The following PHLDB2 variants were observed in gnomAD, a reference collection of about 807,000 sequenced individuals.
The protein encoded by PHLDB2 is pleckstrin homology like domain family B member 2, also known as pleckstrin homology-like domain family B member 2.
A neutral mutation model predicts 123.6 loss-of-function variants in PHLDB2; 71 were observed. That is an observed-to-expected ratio of 0.57 (90% CI 0.47 to 0.70). PHLDB2 has a LOEUF of 0.70. PHLDB2 is among the 30% of genes least tolerant of loss of function. The probability of loss-of-function intolerance (pLI) is 0.00; values close to 1 mark genes in which losing one functional copy is unlikely to be tolerated. For synonymous variants in PHLDB2, 547 were observed against 541.6 expected (o/e 1.01, Z -0.14); for missense variants, 1,446 against 1,519.5 (o/e 0.95, Z 0.80).
intron 1 of PHLDB2, among the ~76,000 whole-genome samples, chr3:111,864,764 A>C (rs1193467993): frequency 1.3e-5 from 2 of 152,250 alleles, no homozygotes; most frequent in Admixed American, 1.3e-4. Flanking sequence ...TGATTTTATT[A>C]GATGAAGTGC....
intron 2 of PHLDB2, among the ~76,000 whole-genome samples, chr3:111,911,429 T>TA (rs1461755290): frequency 6.6e-6 from 1 of 152,246 alleles, no homozygotes; most frequent in Non-Finnish European, 1.5e-5. Context: ...TCTCCTTACA[T>TA]ATGCTCTTGG....
chr3:111,879,960 T>A (rs954204501), intron 1 of PHLDB2, among the ~76,000 whole-genome samples: 1 of 149,196 alleles, frequency 6.7e-6, no homozygotes, highest in Non-Finnish European at 1.5e-5. Context: ...TCAAGACCCA[T>A]ATCTTGAAAC....
chr3:111,816,228 G>A (rs932460010), intron 1 of PHLDB2, among the ~76,000 whole-genome samples: 3 of 152,208 alleles, frequency 2.0e-5, no homozygotes, highest in African/African-American at 7.2e-5. Flanking sequence ...TCCCTACTGA[G>A]GCACTGCCTA....
intron 2 of PHLDB2, among the ~76,000 whole-genome samples, chr3:111,888,217 T>C (rs2066285803): frequency 6.6e-6 from 1 of 152,070 alleles, no homozygotes; most frequent in East Asian, 1.9e-4. Context: ...CTCATTTGAT[T>C]TGAGAAATTT....
At chr3:111,834,450 C>G (rs2063308544) in intron 1 of PHLDB2, among the ~76,000 whole-genome samples, 2 of 149,528 alleles carry the variant, frequency 1.3e-5, no homozygotes, top group African/African-American at 2.5e-5. Flanking sequence ...TACAACTTAT[C>G]ATTCAGGTCA....
intron 1 of PHLDB2, among the ~76,000 whole-genome samples, chr3:111,869,952 CAAAG>C (rs2065260207): frequency 6.6e-6 from 1 of 152,202 alleles, no homozygotes; most frequent in African/African-American, 2.4e-5. Context: ...CTTTGAGTGA[CAAAG>C]AACATGGTGC....
chr3:111,918,930 G>C, intron 3 of PHLDB2, 142 bp from the exon 4 acceptor site: 1 of 831,098 alleles, frequency 1.2e-6, no homozygotes, highest in South Asian at 1.7e-5. Context: ...AGAGCTCCAA[G>C]CGTGCAGTTG....
Position 111,948,960 on chromosome 3 carries a change from A to T in PHLDB2, c.2516A>T (p.Glu839Val). 6.2e-7 allele frequency: 1 copy of T among 1,614,014 alleles called. No individual in the cohort carries two copies. The highest frequency in any genetic ancestry group is 1.1e-5 in the South Asian group (1 of 91,082). Residue 839 changes from glutamate (E) to valine (V), a missense_variant, in exon 10 of 18, where the codon GAG becomes GTG. Physicochemically the swap from Glu to Val is moderately radical, Grantham distance 121 (BLOSUM62 -2). This residue lies in a region of PHLDB2 where 594 missense variants were observed against 646.0 expected (regional missense o/e 0.92). Coordinates refer to ENST00000431670, the MANE Select transcript of PHLDB2 (RefSeq NM_001134438.2). Reference protein sequence around the residue: ...EGYISVNEINEPCGNSTNLSP... With the variant: ...EGYISVNEINVPCGNSTNLSP... ...TATATCAGTGTAAATGAGATTAATG[A>T]GCCGTGTGGCAATTCCACGAATCTA...
chr3:111,876,217 G>A (rs532314112), intron 1 of PHLDB2, among the ~76,000 whole-genome samples: 115 of 152,290 alleles, frequency 7.6e-4, no homozygotes, highest in African/African-American at 2.6e-3. Context: ...TGGATAAAAT[G>A]AGGAAGGGGG....
chr3:111,758,470 A>G (rs1403654190), intron 1 of PHLDB2, among the ~76,000 whole-genome samples: 1 of 152,154 alleles, frequency 6.6e-6, no homozygotes, highest in Middle Eastern at 3.2e-3. Flanking sequence ...GCGCAGTATT[A>G]GGGTGGGAGT....
intron 8 of PHLDB2, among the ~76,000 whole-genome samples, chr3:111,942,166 C>T (rs1261297704): frequency 6.6e-6 from 1 of 152,116 alleles, no homozygotes; most frequent in African/African-American, 2.4e-5. Flanking sequence ...TGGGTAAGCA[C>T]AATCACAGAT....
At chr3:111,862,297 T>A (rs2064870953) in intron 1 of PHLDB2, among the ~76,000 whole-genome samples, 2 of 152,226 alleles carry the variant, frequency 1.3e-5, no homozygotes, top group Non-Finnish European at 2.9e-5. Context: ...CTTATGAATC[T>A]ATCTGTAAAG....
At chr3:111,740,431 G>A (rs1386866193) in intron 1 of PHLDB2, among the ~76,000 whole-genome samples, 1 of 152,112 alleles carries the variant, frequency 6.6e-6, no homozygotes, top group Admixed American at 6.6e-5. Flanking sequence ...GGTACATGAA[G>A]TGGGCAGACG....
chr3:111,962,108 G>T lies in PHLDB2; in HGVS notation c.2873G>T (p.Gly958Val), dbSNP rs2071447171. ...AACATATTTATGGCTCCTTCCTTAG[G>T]TTATAATCACCAACAGATGAGTGAA... ...KDSESRRMLR[G>V]YNHQQMSEGH... is the part of the protein sequence containing the mutation. Residue 958 changes from glycine to valine, a missense_variant and splice_region_variant, in exon 13 of 18, where the codon GGT (glycine) becomes GTT (valine). Gly to Val is a moderately radical substitution (Grantham distance 109, BLOSUM62 -3). This residue lies in a region of PHLDB2 where 594 missense variants were observed against 646.0 expected (regional missense o/e 0.92). Coordinates refer to ENST00000431670, the MANE Select transcript of PHLDB2 (RefSeq NM_001134438.2). 1 of 1,576,300 alleles carries T rather than the reference G, an allele frequency of 6.3e-7. No homozygotes were observed. Among genetic ancestry groups the T allele is most frequent in the Admixed American group, 2.1e-5 (1 of 47,350 alleles).
Position 111,863,204 on chromosome 3 carries a change from G to A in PHLDB2, c.-15+3628G>A, listed in dbSNP as rs563295365. On this transcript the variant is annotated intron_variant, in intron 1 of 17. Coordinates refer to ENST00000431670, the MANE Select transcript of PHLDB2 (RefSeq NM_001134438.2). ...ACACTCCACTTCTGATGCCTGTACTGTCCTTTCCATGGCAAAGTAGGCAAC... is the reference window on the plus strand; with the variant it reads ...ACACTCCACTTCTGATGCCTGTACTATCCTTTCCATGGCAAAGTAGGCAAC... 4.6e-5 allele frequency among the ~76,000 whole-genome samples: 7 copies of A among 152,280 alleles called. No individual in the cohort carries two copies. In the South Asian group the frequency reaches 6.2e-4, roughly 14 times the overall value.
rs1001245214 is a variant in PHLDB2 at position 111,920,543 on chromosome 3, G to A, written c.2001+124G>A. On this transcript the variant is annotated intron_variant, in intron 5 of 17. Coordinates refer to ENST00000431670, the MANE Select transcript of PHLDB2 (RefSeq NM_001134438.2). ...TGTGTGTCATGTTCCTGGAGGCAGT[G>A]GCACTAGAGAAAAATCCTAAGATCA... is the stretch of plus-strand genomic sequence containing the variant. 13 of 1,201,522 alleles carry A rather than the reference G, an allele frequency of 1.1e-5. No homozygotes were observed. In the Admixed American group the frequency reaches 3.0e-4, roughly 27 times the overall value. The allele number at this position is 1,201,522 out of a possible 1,614,324, so 74.4% of individuals were successfully genotyped here. A position where few individuals can be genotyped will look rare whatever the true frequency, so the allele number is the denominator to read the frequency against.
intron 2 of PHLDB2, 29 bp downstream of exon 2, chr3:111,885,441 T>G (rs1486993687): frequency 5.0e-6 from 8 of 1,613,626 alleles, no homozygotes; most frequent in Non-Finnish European, 5.9e-6. Flanking sequence ...GTGATTGACC[T>G]CACTGTTTCA....
chr3:111,860,297 C>A (rs562696383), intron 1 of PHLDB2, among the ~76,000 whole-genome samples: 2 of 152,184 alleles, frequency 1.3e-5, no homozygotes, highest in Non-Finnish European at 2.9e-5. Context: ...CACTTTCTTT[C>A]AAGAGTGAAC....
At chr3:111,872,177 A>G (rs1327238252) in intron 1 of PHLDB2, among the ~76,000 whole-genome samples, 1 of 152,368 alleles carries the variant, frequency 6.6e-6, no homozygotes, top group African/African-American at 2.4e-5. Context: ...CTCCCAGCCC[A>G]TTCTGTGGAT....
Sources: gnomAD v4.1 joint callset for allele counts (sites outside exome capture counted in the v4.1 genomes callset) on GRCh38, gnomAD v4.1.1 for gene constraint, gnomAD v4.1.1 regional missense constraint, MANE v1.5 for transcripts, NCBI Gene and HGNC (gene_info 2026-07-23, HGNC 2026-07-21) for gene names.